ARSG: variants seen among roughly 807,000 people sequenced by gnomAD.
ARSG encodes arylsulfatase G.
A neutral mutation model predicts 50.5 loss-of-function variants in ARSG; 37 were observed. The ratio of observed to expected loss-of-function variants is 0.73; its 90% CI spans 0.56 to 0.96. ARSG has a LOEUF of 0.96. ARSG is among the 50% of genes least tolerant of loss of function. The probability of loss-of-function intolerance (pLI) is 0.00; values close to 1 mark genes in which losing one functional copy is unlikely to be tolerated. For missense variants in ARSG, 629 were observed against 675.3 expected (o/e 0.93, Z 0.76); for synonymous variants, 225 against 254.6 (o/e 0.88, Z 1.11).
intron 10 of ARSG, among the ~76,000 whole-genome samples, chr17:68,396,684 C>A (rs950393611): frequency 7.2e-5 from 11 of 152,154 alleles, no homozygotes; most frequent in African/African-American, 2.7e-4. Context: ...CAAAGCTGCC[C>A]TTCCCACCCA....
rs373853563 is a variant in ARSG at position 68,313,618 on chromosome 17, A to G, written c.218+5907A>G. Among the ~76,000 whole-genome samples, 42 of 152,090 alleles carry G rather than the reference A, an allele frequency of 2.8e-4. 1 individual carries two copies. Among genetic ancestry groups the G allele is most frequent in the African/African-American group, 8.0e-4 (33 of 41,476 alleles). ...GTCACGTCACAGGTTCTGGATTGAT[A>G]TGAAATTGAGGGGAACGCTGTTCAG... is the stretch of plus-strand genomic sequence containing the variant. On this transcript the variant is annotated intron_variant, in intron 2 of 11. Coordinates refer to ENST00000621439, the MANE Select transcript of ARSG (RefSeq NM_001267727.2).
intron 2 of ARSG, among the ~76,000 whole-genome samples, chr17:68,331,217 C>CTTTCTTTG (rs2077739302): frequency 2.5e-5 from 1 of 40,474 alleles, no homozygotes; most frequent in African/African-American, 1.0e-4. Flanking sequence ...TTCTTTCTTT[C>CTTTCTTTG]TTTCTTTCTT....
intron 2 of ARSG, among the ~76,000 whole-genome samples, chr17:68,335,140 G>A (rs1275146005): frequency 6.6e-6 from 1 of 152,112 alleles, no homozygotes; most frequent in Non-Finnish European, 1.5e-5. Flanking sequence ...GGGACTACAG[G>A]TATGTATCAC....
chr17:68,387,741 A>G (rs2080797316), intron 9 of ARSG, among the ~76,000 whole-genome samples: 1 of 152,202 alleles, frequency 6.6e-6, no homozygotes, highest in East Asian at 1.9e-4. Context: ...AGGAATATAG[A>G]TCTTCCAGAT....
intron 2 of ARSG, 62 bp from the exon 3 acceptor site, chr17:68,343,542 C>T: frequency 6.8e-7 from 1 of 1,462,346 alleles, no homozygotes; most frequent in Non-Finnish European, 9.2e-7. Flanking sequence ...TGGGCACTGC[C>T]TTTTCTTTTA....
chr17:68,421,720 C>T (rs912364569), downstream of ARSG: 3 of 1,613,470 alleles, frequency 1.9e-6, no homozygotes, highest in Non-Finnish European at 2.5e-6. Flanking sequence ...TCCTTGTTTT[C>T]TCCAAAACCA....
At chr17:68,431,653 T>C in the ARSG span, among the ~76,000 whole-genome samples, 1 of 152,070 alleles carries the variant, frequency 6.6e-6, no homozygotes, top group Non-Finnish European at 1.5e-5. Flanking sequence ...AATGTAAGAG[T>C]AACGGCTGGA....
At position 68,338,392 on chromosome 17, in the gene ARSG, T is replaced by C. The variant is rs538858847; in HGVS notation, c.219-5212T>C. Among the ~76,000 whole-genome samples the C allele has an allele frequency of 3.2e-4, 48 of 152,302 alleles. 2 individuals are homozygous for C. The South Asian group carries it at 9.5e-3, about 30-fold the overall frequency. On this transcript the variant is annotated intron_variant, in intron 2 of 11. Transcript: ENST00000621439. ...CTTCACTTTATCTCAGTTTCCTCCT[T>C]CCAAGACTGGCTGTGGAGTGGGCGA... is the stretch of plus-strand genomic sequence containing the variant.
At chr17:68,312,334 A>C (rs1469808493) in intron 2 of ARSG, among the ~76,000 whole-genome samples, 2 of 152,130 alleles carry the variant, frequency 1.3e-5, no homozygotes, top group African/African-American at 2.4e-5. Flanking sequence ...GTCACCCCAA[A>C]TTTTGCATGT....
chr17:68,357,802 T>G (rs2079100725), intron 6 of ARSG, among the ~76,000 whole-genome samples: 1 of 152,150 alleles, frequency 6.6e-6, no homozygotes, highest in South Asian at 2.1e-4. Flanking sequence ...GCTTGGTGCT[T>G]CTTTGTGAAA....
At position 68,351,643 on chromosome 17, in the gene ARSG, C is replaced by A; in HGVS notation, c.523C>A (p.His175Asn). The change falls in exon 5 of 12, where the codon CAC (histidine) becomes AAC (asparagine). Residue 175 changes from histidine to asparagine, a missense_variant. By Grantham distance (68) the His-to-Asn change is moderately conservative (BLOSUM62 1). Transcript: ENST00000621439. ...MGCTDTPGYNHPPCPACPQGD... is the reference protein window; with the variant it reads ...MGCTDTPGYNNPPCPACPQGD... ...CTGTACTGATACTCCAGGCTACAAC[C>A]ACCCTCCTTGTCCAGCGTGTCCACA... 1 of 1,613,888 alleles carries A rather than the reference C, an allele frequency of 6.2e-7. No homozygotes were observed. The highest frequency in any genetic ancestry group is 8.5e-7 in the Non-Finnish European group (1 of 1,179,852).
At chr17:68,335,383 C>T (rs2077969471) in intron 2 of ARSG, among the ~76,000 whole-genome samples, 1 of 151,964 alleles carries the variant, frequency 6.6e-6, no homozygotes, top group African/African-American at 2.4e-5. Flanking sequence ...GAAACCTCGT[C>T]TCTACTAAAA....
At chr17:68,272,907 G>A in intron 1 of ARSG, 1 of 1,000,462 alleles carries the variant, frequency 1.0e-6, no homozygotes, top group Non-Finnish European at 1.5e-6. Context: ...CTGGACAAAG[G>A]TGATGTTGCA....
downstream of ARSG, chr17:68,426,983 A>C: frequency 4.6e-6 from 3 of 653,644 alleles, no homozygotes; most frequent in Non-Finnish European, 7.9e-6. Flanking sequence ...CAAGGAGAGC[A>C]CTCCACCCCC....
the ARSG span, chr17:68,434,572 G>T: frequency 6.2e-7 from 1 of 1,613,948 alleles, no homozygotes; most frequent in South Asian, 1.1e-5. Flanking sequence ...ATCCCTCTCC[G>T]GAACTCATAG....
At chr17:68,419,796 GAAA>G (rs34363131) in intron 11 of ARSG, among the ~76,000 whole-genome samples, 1 of 137,288 alleles carries the variant, frequency 7.3e-6, no homozygotes, top group Non-Finnish European at 1.6e-5. Context: ...CCTGTCTCTG[GAAA>G]AAAAAAAAAA....
At chr17:68,437,012 A>ATGTGTGTGTGTG in the ARSG span, among the ~76,000 whole-genome samples, 701 of 82,008 alleles carry the variant, frequency 8.5e-3, 7 homozygotes, top group African/African-American at 0.031. Flanking sequence ...AAAAATATAT[A>ATGTGTGTGTGTG]TATATGTGTG....
chr17:68,446,936 G>A, the ARSG span, among the ~76,000 whole-genome samples: 1 of 152,226 alleles, frequency 6.6e-6, no homozygotes, highest in East Asian at 1.9e-4. Flanking sequence ...GGGAGGGAAC[G>A]AGGATGCACT....
At chr17:68,412,198 G>T (rs1048478805) in intron 11 of ARSG, among the ~76,000 whole-genome samples, 2 of 152,156 alleles carry the variant, frequency 1.3e-5, no homozygotes, top group African/African-American at 4.8e-5. Flanking sequence ...GTTAGTTGAT[G>T]CAGTTTCTTC....
Sources: gnomAD v4.1 joint callset for allele counts (sites outside exome capture counted in the v4.1 genomes callset) on GRCh38, gnomAD v4.1.1 for gene constraint, MANE v1.5 for transcripts, NCBI Gene and HGNC (gene_info 2026-07-23, HGNC 2026-07-21) for gene names.